OPRM1: variants seen among roughly 807,000 people sequenced by gnomAD.
OPRM1 encodes opioid receptor mu 1.
In OPRM1, 27 loss-of-function variants were observed where a neutral mutation model predicts 31.8. The observed-to-expected ratio is 0.85, with a 90% CI of 0.63 to 1.17. The LOEUF (loss-of-function observed/expected upper bound fraction) is 1.17, where lower values mean the gene tolerates loss of function less well. OPRM1 is among the 50% of genes most tolerant of loss of function. The pLI is 0.00. For missense variants in OPRM1, 536 were observed against 511.1 expected (o/e 1.05, Z -0.47); for synonymous variants, 196 against 189.9 (o/e 1.03, Z -0.26).
chr6:154,075,274 A>C lies in OPRM1; in HGVS notation c.291-14552A>C, dbSNP rs572837221. Among the ~76,000 whole-genome samples the C allele has an allele frequency of 1.6e-4, 25 of 152,310 alleles. 1 individual carries two copies. The highest frequency in any genetic ancestry group is 1.2e-3 in the Admixed American group (19 of 15,294). The stretch of plus-strand genomic sequence containing the variant: ...CTTACACTAGAAACATGCTTTTTAG[A>C]GACATTGAAGTAAATAGCAAAATAA... On this transcript the variant is annotated intron_variant, in intron 1 of 3. Coordinates refer to ENST00000330432, the MANE Select transcript of OPRM1 (RefSeq NM_000914.5).
At chr6:154,094,383 T>C (rs1792981844) in intron 3 of OPRM1, 2 of 443,500 alleles carry the variant, frequency 4.5e-6, no homozygotes, top group Admixed American at 5.2e-5. Flanking sequence ...ACTTACACAG[T>C]TAAGAGCTGC....
chr6:154,188,902 A>G (rs149130835), intron 3 of OPRM1, among the ~76,000 whole-genome samples: 20 of 152,326 alleles, frequency 1.3e-4, no homozygotes, highest in African/African-American at 4.8e-4. Context: ...GAATATCTTT[A>G]AGATACCAGT....
chr6:154,046,418 C>T (rs1016438221), intron 1 of OPRM1, among the ~76,000 whole-genome samples: 5 of 152,102 alleles, frequency 3.3e-5, no homozygotes, highest in Middle Eastern at 3.2e-3. Context: ...CCTCCTGTGC[C>T]TTCTGGCAAA....
intron 3 of OPRM1, among the ~76,000 whole-genome samples, chr6:154,098,242 GT>G (rs1583526688): frequency 6.6e-6 from 1 of 151,642 alleles, no homozygotes; most frequent in Non-Finnish European, 1.5e-5. Flanking sequence ...GGGAAATTTA[GT>G]TTTAAAGATT....
chr6:154,143,233 G>T (rs1798267663), intron 3 of OPRM1, among the ~76,000 whole-genome samples: 1 of 151,984 alleles, frequency 6.6e-6, no homozygotes, highest in Non-Finnish European at 1.5e-5. Context: ...AATACACCTG[G>T]TATTTTTCTG....
rs140096033 is a variant in OPRM1 at position 154,191,672 on chromosome 6, TCAACAACAACAACAACAACAA to T, written c.1165-55002_1165-54982del. ...CTGGGTGACAGAGTGAGACTTTGCC[TCAACAACAACAACAACAACAA>T]CAACAACAACAACAACAAAGAGTGA... On this transcript the variant is annotated intron_variant, in intron 3 of 3. Coordinates refer to the OPRM1 transcript ENST00000337049. Among the ~76,000 whole-genome samples the T allele has an allele frequency of 2.3e-3, 339 of 149,686 alleles. 2 individuals carry two copies. Among genetic ancestry groups the T allele is most frequent in the African/African-American group, 8.1e-3 (329 of 40,464 alleles).
chr6:154,230,645 T>C (rs1779646571), intron 3 of OPRM1, among the ~76,000 whole-genome samples: 1 of 152,224 alleles, frequency 6.6e-6, no homozygotes, highest in African/African-American at 2.4e-5. Flanking sequence ...AATGGTAATA[T>C]AGGAAACTGT....
At chr6:154,138,941 T>A (rs1184049471) in intron 3 of OPRM1, among the ~76,000 whole-genome samples, 1 of 152,208 alleles carries the variant, frequency 6.6e-6, no homozygotes, top group Non-Finnish European at 1.5e-5. Flanking sequence ...CCAGCCCATC[T>A]GATCTTGTGA....
At chr6:154,109,742 G>C (rs1465632145) in intron 3 of OPRM1, among the ~76,000 whole-genome samples, 1 of 148,714 alleles carries the variant, frequency 6.7e-6, no homozygotes, top group African/African-American at 2.5e-5. Flanking sequence ...CATTTAAAAG[G>C]CTGTGAAAAG....
At chr6:154,081,608 G>A (rs191841666) in intron 1 of OPRM1, among the ~76,000 whole-genome samples, 2 of 152,138 alleles carry the variant, frequency 1.3e-5, no homozygotes, top group Non-Finnish European at 1.5e-5. Flanking sequence ...TCACTATAAC[G>A]AGAAAATGTC....
intron 3 of OPRM1, chr6:154,223,046 C>T (rs1778991103): frequency 3.8e-6 from 3 of 783,356 alleles, no homozygotes; most frequent in African/African-American, 3.4e-5. Context: ...ACCCATAATG[C>T]TTCAAATTCT....
At chr6:154,087,839 G>A (rs1193208630) in intron 1 of OPRM1, 1 of 152,240 alleles carries the variant, frequency 6.6e-6, no homozygotes, top group Non-Finnish European at 1.5e-5. Flanking sequence ...AAAAAATGAT[G>A]TCCAATGTTT....
intron 3 of OPRM1, among the ~76,000 whole-genome samples, chr6:154,149,974 C>G (rs1315829162): frequency 6.6e-6 from 1 of 152,234 alleles, no homozygotes; most frequent in Non-Finnish European, 1.5e-5. Context: ...TAATAGCCCC[C>G]TCACCAGCAC....
intron 3 of OPRM1, among the ~76,000 whole-genome samples, chr6:154,177,821 T>C (rs1395539841): frequency 6.6e-6 from 1 of 152,228 alleles, no homozygotes; most frequent in Non-Finnish European, 1.5e-5. Context: ...ATCATGCTAC[T>C]ATAAAGACAC....
intron 3 of OPRM1, among the ~76,000 whole-genome samples, chr6:154,094,685 G>C (rs772560411): frequency 6.6e-6 from 1 of 152,178 alleles, no homozygotes; most frequent in African/African-American, 2.4e-5. Flanking sequence ...AAGAAAGAGA[G>C]AGAGAAAAGA....
At chr6:154,084,951 C>T (rs1041178810) in intron 1 of OPRM1, among the ~76,000 whole-genome samples, 17 of 148,136 alleles carry the variant, frequency 1.1e-4, no homozygotes, top group African/African-American at 3.3e-4. Context: ...CACACACACA[C>T]ATGCTGGATT....
chr6:154,159,788 C>T (rs1365924453), intron 3 of OPRM1: 1 of 1,485,526 alleles, frequency 6.7e-7, no homozygotes, highest in Non-Finnish European at 9.3e-7. Context: ...TGAAGAGTTG[C>T]TTGTGATAAA....
intron 3 of OPRM1, among the ~76,000 whole-genome samples, chr6:154,244,341 G>C (rs1430584307): frequency 6.6e-6 from 1 of 150,798 alleles, no homozygotes; most frequent in East Asian, 1.9e-4. Flanking sequence ...TGGTGGAGAG[G>C]AAGAGAGAGG....
intron 3 of OPRM1, among the ~76,000 whole-genome samples, chr6:154,098,223 A>G (rs2128496152): frequency 6.6e-6 from 1 of 152,332 alleles, no homozygotes; most frequent in Admixed American, 6.5e-5. Context: ...CTCAGACCTG[A>G]GAAATTTAGG....
Sources: gnomAD v4.1 joint callset for allele counts (sites outside exome capture counted in the v4.1 genomes callset) on GRCh38, gnomAD v4.1.1 for gene constraint, MANE v1.5 for transcripts, NCBI Gene and HGNC (gene_info 2026-07-23, HGNC 2026-07-21) for gene names.